The following NCOA2 variants were observed in gnomAD, a reference collection of about 807,000 sequenced individuals.
The protein encoded by NCOA2 is nuclear receptor coactivator 2.
A neutral mutation model predicts 145.1 loss-of-function variants in NCOA2; 21 were observed. The observed-to-expected ratio is 0.14, with a 90% CI of 0.10 to 0.21. NCOA2 has a LOEUF of 0.21. NCOA2 is among the 10% of genes least tolerant of loss of function. The pLI is 1.00. For missense variants in NCOA2, 1,472 were observed against 1,837.6 expected (o/e 0.80, Z 3.64); for synonymous variants, 619 against 637.5 (o/e 0.97, Z 0.44).
chr8:70,165,339 C>T (rs1179414750), intron 7 of NCOA2, among the ~76,000 whole-genome samples: 1 of 152,208 alleles, frequency 6.6e-6, no homozygotes, highest in Non-Finnish European at 1.5e-5. Flanking sequence ...TCAGCATATT[C>T]ATTTAAACCT....
chr8:70,131,937 T>C lies in NCOA2; in HGVS notation c.3224A>G (p.Asp1075Gly). 6.2e-7 allele frequency: 1 copy of C among 1,611,296 alleles called. No individual in the cohort carries two copies. The highest frequency in any genetic ancestry group is 8.5e-7 in the Non-Finnish European group (1 of 1,178,864). The change falls in exon 16 of 23, where the codon GAT becomes GGT. Residue 1075 changes from aspartate to glycine, a missense_variant. Asp to Gly is a moderately conservative substitution (Grantham distance 94). Transcript: ENST00000452400. ...CAGCTGGTCCAGGAGAGCTCCCTCATCACTCGGAGACTCAGCTGCAGGATG... is the reference window on the plus strand; with the variant it reads ...CAGCTGGTCCAGGAGAGCTCCCTCACCACTCGGAGACTCAGCTGCAGGATG... ...CPHPAAESPS[D>G]EGALLDQLYL...
intron 19 of NCOA2, 38 bp from the exon 20 acceptor site, chr8:70,124,903 C>CTGTT: frequency 6.5e-7 from 1 of 1,536,738 alleles, no homozygotes; most frequent in Middle Eastern, 1.8e-4. Context: ...CCAAAAGAGA[C>CTGTT]TGTTAGTTAT....
intron 2 of NCOA2, among the ~76,000 whole-genome samples, chr8:70,291,536 A>C (rs939932991): frequency 1.3e-5 from 2 of 152,194 alleles, no homozygotes; most frequent in Admixed American, 6.5e-5. Flanking sequence ...TTACTGTCTA[A>C]TTCTAAATAC....
At chr8:70,180,361 CA>C (rs890862964) in intron 4 of NCOA2, among the ~76,000 whole-genome samples, 4 of 152,162 alleles carry the variant, frequency 2.6e-5, no homozygotes, top group African/African-American at 9.6e-5. Flanking sequence ...CAATCCCTCA[CA>C]ATCTCCTTCT....
At chr8:70,182,716 C>A (rs1210410030) in intron 4 of NCOA2, among the ~76,000 whole-genome samples, 1 of 152,166 alleles carries the variant, frequency 6.6e-6, no homozygotes, top group East Asian at 1.9e-4. Context: ...AGTGGAAAAT[C>A]TTTCATGATA....
chr8:70,326,576 G>C (rs967927823), intron 1 of NCOA2, among the ~76,000 whole-genome samples: 1 of 151,944 alleles, frequency 6.6e-6, no homozygotes, highest in Non-Finnish European at 1.5e-5. Flanking sequence ...GTTCACATGA[G>C]GAAAACTGAT....
chr8:70,166,470 T>G (rs2132525840), intron 7 of NCOA2, 96 bp downstream of exon 7: 3 of 1,366,026 alleles, frequency 2.2e-6, no homozygotes, highest in Middle Eastern at 1.8e-4. Flanking sequence ...TACTGCCTCC[T>G]CACTTTTCTT....
chr8:70,268,158 G>A (rs1458431135), intron 2 of NCOA2, among the ~76,000 whole-genome samples: 2 of 152,138 alleles, frequency 1.3e-5, no homozygotes, highest in African/African-American at 4.8e-5. Flanking sequence ...ACCTTCATTT[G>A]GAGCTCATTT....
intron 14 of NCOA2, among the ~76,000 whole-genome samples, chr8:70,140,264 T>C (rs1810236807): frequency 6.6e-6 from 1 of 152,226 alleles, no homozygotes; most frequent in Non-Finnish European, 1.5e-5. Flanking sequence ...CCCTACTTCC[T>C]ACCTGAGCCC....
At chr8:70,347,551 G>A (rs2136607174) in intron 1 of NCOA2, among the ~76,000 whole-genome samples, 1 of 152,162 alleles carries the variant, frequency 6.6e-6, no homozygotes, top group South Asian at 2.1e-4. Context: ...AGCTACTTGG[G>A]AGGCTGAGGT....
chr8:70,396,647 G>T (rs1813698431), intron 1 of NCOA2, among the ~76,000 whole-genome samples: 1 of 152,194 alleles, frequency 6.6e-6, no homozygotes, highest in African/African-American at 2.4e-5. Context: ...GTTAAAAACT[G>T]AGCTGATGAC....
the NCOA2 span, among the ~76,000 whole-genome samples, chr8:70,432,482 C>G: frequency 1.3e-5 from 2 of 152,082 alleles, no homozygotes; most frequent in African/African-American, 4.8e-5. Flanking sequence ...GGCAACAAAG[C>G]AAGACTCTGT....
At chr8:70,171,075 G>T (rs1814195346) in intron 5 of NCOA2, among the ~76,000 whole-genome samples, 1 of 152,176 alleles carries the variant, frequency 6.6e-6, no homozygotes, top group Admixed American at 6.5e-5. Context: ...TTGTTCTCCA[G>T]ATTAAGATGC....
At chr8:70,223,517 C>T in intron 2 of NCOA2, among the ~76,000 whole-genome samples, 1 of 152,126 alleles carries the variant, frequency 6.6e-6, no homozygotes, top group East Asian at 1.9e-4. Flanking sequence ...TGCTTAAAAG[C>T]CACAATTTGA....
chr8:70,411,169 A>C, the NCOA2 span, among the ~76,000 whole-genome samples: 1 of 152,236 alleles, frequency 6.6e-6, no homozygotes, highest in Admixed American at 6.5e-5. Context: ...CAAACATTGT[A>C]CTCAATATTG....
chr8:70,407,177 G>A (rs114354629), upstream of NCOA2, among the ~76,000 whole-genome samples: 2,207 of 152,292 alleles, frequency 0.014, 47 homozygotes, highest in African/African-American at 0.048. Flanking sequence ...GGGTGGGGGC[G>A]TCAGTTAAAA....
chr8:70,213,870 C>G (rs117660263), intron 4 of NCOA2, 33 bp downstream of exon 4: 315 of 1,525,384 alleles, frequency 2.1e-4, no homozygotes, highest in Non-Finnish European at 2.6e-4. Context: ...GAAACCAATT[C>G]AACTCTTCAA....
At chr8:70,224,858 T>A (rs890884117) in intron 2 of NCOA2, among the ~76,000 whole-genome samples, 23 of 152,024 alleles carry the variant, frequency 1.5e-4, no homozygotes, top group African/African-American at 5.3e-4. Context: ...AACAAGAATC[T>A]GGCTCTTGGT....
intron 14 of NCOA2, 152 bp downstream of exon 14, chr8:70,141,032 C>T (rs1810348450): frequency 1.4e-6 from 1 of 715,596 alleles, no homozygotes; most frequent in African/African-American, 1.8e-5. Flanking sequence ...ATTCTAATTC[C>T]ATACAGAGTT....
Sources: gnomAD v4.1 joint callset for allele counts (sites outside exome capture counted in the v4.1 genomes callset) on GRCh38, gnomAD v4.1.1 for gene constraint, MANE v1.5 for transcripts, NCBI Gene and HGNC (gene_info 2026-07-23, HGNC 2026-07-21) for gene names.